Variants in HMGCL observed in about 807,000 individuals in gnomAD.
HMGCL encodes the protein hydroxymethylglutaryl-CoA lyase, mitochondrial.
HMGCL carries 26 observed loss-of-function variants against 37.3 expected under a neutral mutation model. The ratio of observed to expected loss-of-function variants is 0.70; its 90% CI spans 0.51 to 0.97. The LOEUF is 0.97. Among genes scored for constraint, HMGCL ranks in the 50% least tolerant of loss-of-function variants. HMGCL has a pLI of 0.00. For synonymous variants in HMGCL, 151 were observed against 148.0 expected (o/e 1.02, Z -0.15); for missense variants, 379 against 398.1 (o/e 0.95, Z 0.41).
rs528527848 is a variant in HMGCL at position 23,804,326 on chromosome 1, A to G, written c.876+74T>C. On this transcript the variant is annotated intron_variant, in intron 8 of 8. Transcript: ENST00000374490. ...CACCTTAACAACCCCAAATACCCCC[A>G]TCCACTTTTGTTCTCAGCTTCAGGC... 5.1e-5 allele frequency: 80 copies of G among 1,583,058 alleles called. No homozygotes were observed. The African/African-American group carries it at 6.2e-4, about 12-fold the overall frequency.
At chr1:23,816,929 G>A (rs774926507) in intron 3 of HMGCL, among the ~76,000 whole-genome samples, 159 bp from the exon 4 acceptor site, 3 of 152,174 alleles carry the variant, frequency 2.0e-5, no homozygotes, top group African/African-American at 4.8e-5. Context: ...CTGTTTGTTT[G>A]ACTGCTGATG....
intron 2 of HMGCL, 140 bp downstream of exon 2, chr1:23,820,370 T>G (rs1638695620): frequency 1.4e-6 from 1 of 715,888 alleles, no homozygotes; most frequent in Non-Finnish European, 2.6e-6. Context: ...TGTCCCTGTT[T>G]GGCCTCCTCT....
chr1:23,816,161 G>A (rs1180787088), intron 4 of HMGCL, among the ~76,000 whole-genome samples: 1 of 149,304 alleles, frequency 6.7e-6, no homozygotes, highest in Non-Finnish European at 1.5e-5. Context: ...CTGGCCTCAA[G>A]CTGTTCTCCG....
Position 23,806,966 on chromosome 1 carries a change from T to C in HMGCL, c.750+1169A>G, listed in dbSNP as rs1638420958. The C allele has an allele frequency of 1.9e-6, 1 of 518,908 alleles. No individual in the cohort carries two copies. Among genetic ancestry groups the C allele is most frequent in the Non-Finnish European group, 3.8e-6 (1 of 259,874 alleles). 32.1% of individuals were successfully genotyped at this position (518,908 alleles called of 1,614,324 possible). A position where few individuals can be genotyped will look rare whatever the true frequency, so the allele number is the denominator to read the frequency against. ...GCACTTAACCTGGCACATCGATCCA[T>C]ATTTCCGAAGTAACTGATGGAAGAG... is the stretch of plus-strand genomic sequence containing the variant. On this transcript the variant is annotated intron_variant, in intron 7 of 8. Coordinates refer to ENST00000374490, the MANE Select transcript of HMGCL (RefSeq NM_000191.3). The surrounding 1 kb of genome is among the most constrained non-coding windows in gnomAD (Gnocchi z 4.0).
At position 23,806,736 on chromosome 1, in the gene HMGCL, ACT is replaced by A. The variant is rs1220614514; in HGVS notation, c.750+1397_750+1398del. Reference sequence around the variant, plus strand: ...GAGTGTCAGCCTCATGAGGGCAGAGACTCTGTTTTGGTCACAGCTGAATCCTT... The same window carrying A: ...GAGTGTCAGCCTCATGAGGGCAGAGACTGTTTTGGTCACAGCTGAATCCTT... On this transcript the variant is annotated intron_variant, in intron 7 of 8. Transcript: ENST00000374490. The surrounding 1 kb of genome is among the most constrained non-coding windows in gnomAD (Gnocchi z 4.0). The A allele has an allele frequency of 8.5e-6, 3 of 352,988 alleles. No homozygotes were observed. Among genetic ancestry groups the A allele is most frequent in the South Asian group, 4.3e-5 (2 of 46,334 alleles). The allele number at this position is 352,988 out of a possible 1,614,324, so 21.9% of individuals were successfully genotyped here. A position where few individuals can be genotyped will look rare whatever the true frequency, so the allele number is the denominator to read the frequency against.
chr1:23,816,664 TA>T lies in HMGCL; in HGVS notation c.348+10del. 1.3e-6 allele frequency: 2 copies of T among 1,545,720 alleles called. No homozygotes were observed. The highest frequency in any genetic ancestry group is 1.8e-6 in the Non-Finnish European group (2 of 1,117,664). ...ATTTCAGGAGCCCCCACCAACAAGC[TA>T]TCCTCTTACCGCTGCCTCGAAGCCT... On this transcript the variant is annotated intron_variant, in intron 4 of 8. Coordinates refer to ENST00000374490, the MANE Select transcript of HMGCL (RefSeq NM_000191.3).
intron 2 of HMGCL, among the ~76,000 whole-genome samples, chr1:23,819,693 C>T (rs1309273714): frequency 6.6e-6 from 1 of 152,212 alleles, no homozygotes. Context: ...TGCGCCATTG[C>T]ACTCCAGCCT....
rs544749827 is a variant in HMGCL, at chr1:23,802,021, G to T, written c.*442C>A. On this transcript the variant is annotated 3_prime_UTR_variant, in exon 9 of 9. Transcript: ENST00000374490. ...CACTTTCCACAAATGGCCTCTGCCA[G>T]CTTGGGAAGAACCTCCATGACCTGT... The T allele has an allele frequency of 4.7e-5, 20 of 427,138 alleles. No homozygotes were observed. The East Asian group carries it at 6.5e-4, about 14-fold the overall frequency. The allele number at this position is 427,138 out of a possible 1,614,324, so 26.5% of individuals were successfully genotyped here. A position where few individuals can be genotyped will look rare whatever the true frequency, so the allele number is the denominator to read the frequency against.
At chr1:23,815,659 C>A (rs992796487) in intron 4 of HMGCL, among the ~76,000 whole-genome samples, 25 of 151,958 alleles carry the variant, frequency 1.6e-4, no homozygotes, top group African/African-American at 5.5e-4. Context: ...CCAAGCCTGG[C>A]TAATTTTTTG....
chr1:23,810,317 C>T (rs981070202), intron 6 of HMGCL: 1 of 227,544 alleles, frequency 4.4e-6, no homozygotes, highest in African/African-American at 2.2e-5. Context: ...GACTAAATGA[C>T]ATAAGTTCTT....
intron 6 of HMGCL, chr1:23,809,165 C>T (rs1236538262): frequency 2.0e-5 from 3 of 148,388 alleles, no homozygotes; most frequent in African/African-American, 5.0e-5. Context: ...TTCGGCCTCC[C>T]GAAGTGCTGG....
At chr1:23,807,228 C>T (rs980241474) in intron 7 of HMGCL, 3 of 518,794 alleles carry the variant, frequency 5.8e-6, no homozygotes, top group African/African-American at 3.8e-5. Context: ...GTCTGCCTGG[C>T]TGGGAAACGC....
chr1:23,808,390 G>A, intron 6 of HMGCL, 67 bp from the exon 7 acceptor site: 4 of 1,374,244 alleles, frequency 2.9e-6, no homozygotes, highest in Non-Finnish European at 4.2e-6. Context: ...GCACTCAGAA[G>A]AGGGGGCCTT....
chr1:23,805,866 G>A (rs560377169), intron 7 of HMGCL, among the ~76,000 whole-genome samples: 1 of 151,878 alleles, frequency 6.6e-6, no homozygotes, highest in Non-Finnish European at 1.5e-5. Flanking sequence ...TCCTTGCCAT[G>A]TCTCTCACCT....
At chr1:23,809,238 A>ATATAT (rs1438166426) in intron 6 of HMGCL, 4 of 84,432 alleles carry the variant, frequency 4.7e-5, no homozygotes, top group Non-Finnish European at 6.7e-5. Flanking sequence ...ATATATATAT[A>ATATAT]TTTTTTTTTT....
At position 23,814,278 on chromosome 1, in the gene HMGCL, T is replaced by C. The variant is rs377359510; in HGVS notation, c.409A>G (p.Lys137Glu). The change falls in exon 5 of 9, where the codon AAG (lysine) becomes GAG (glutamate). Residue 137 changes from lysine (K) to glutamate (E), a missense_variant. By Grantham distance (56) the Lys-to-Glu change is moderately conservative. Coordinates refer to ENST00000374490, the MANE Select transcript of HMGCL (RefSeq NM_000191.3). ...TCCTCTATGGAACAATTGATGTTCTTCTTGGTGAAGAGCTCTGAGGCAGCT... is the reference window on the plus strand; with the variant it reads ...TCCTCTATGGAACAATTGATGTTCTCCTTGGTGAAGAGCTCTGAGGCAGCT... Reference protein sequence around the residue: ...FGAASELFTKKNINCSIEESF... With the variant: ...FGAASELFTKENINCSIEESF... 2 of 1,613,896 alleles carry C rather than the reference T, an allele frequency of 1.2e-6. No homozygotes were observed. The highest frequency in any genetic ancestry group is 2.7e-5 in the African/African-American group (2 of 74,908).
At chr1:23,819,281 G>A (rs183124637) in intron 2 of HMGCL, among the ~76,000 whole-genome samples, 56 of 152,240 alleles carry the variant, frequency 3.7e-4, no homozygotes, top group African/African-American at 1.3e-3. Context: ...CACATCTCAA[G>A]TTCTCAAGGG....
At chr1:23,810,388 A>C in intron 6 of HMGCL, 1 of 353,558 alleles carries the variant, frequency 2.8e-6, no homozygotes, top group Non-Finnish European at 5.5e-6. Context: ...GTGACTGTTC[A>C]GAGGACATCA....
At chr1:23,813,957 C>T (rs1199696531) in intron 5 of HMGCL, 9 of 558,286 alleles carry the variant, frequency 1.6e-5, no homozygotes, top group African/African-American at 5.6e-5. Context: ...GCTAGGACTA[C>T]AGGCGCATGC....
Sources: gnomAD v4.1 joint callset for allele counts (sites outside exome capture counted in the v4.1 genomes callset) on GRCh38, gnomAD v4.1.1 for gene constraint, Gnocchi (gnomAD v3.1) non-coding constraint, MANE v1.5 for transcripts, NCBI Gene and HGNC (gene_info 2026-07-23, HGNC 2026-07-21) for gene names.